The following PDE8A variants were observed in gnomAD, a reference collection of about 807,000 sequenced individuals.
PDE8A encodes the protein high affinity cAMP-specific and IBMX-insensitive 3',5'-cyclic phosphodiesterase 8A.
In PDE8A, 59 loss-of-function variants were observed where a neutral mutation model predicts 105.0. The observed-to-expected ratio is 0.56, with a 90% CI of 0.46 to 0.70. PDE8A has a LOEUF of 0.70. Ranked by LOEUF, PDE8A falls within the 30% of genes least tolerant of loss-of-function variation. PDE8A has a pLI of 0.00. For missense variants in PDE8A, 1,014 were observed against 1,045.9 expected, an observed-to-expected ratio of 0.97 and a Z score of 0.42; for synonymous variants, 355 against 371.9, an observed-to-expected ratio of 0.95 and a Z score of 0.52.
chr15:85,100,215 T>G lies in PDE8A; in HGVS notation c.1036+17T>G. ...CTCATACAGGTACGGTGCCCCGTAT[T>G]TATTCTTAGAGTTCATTGAGTTTTT... On this transcript the variant is annotated intron_variant, in intron 11 of 21. Transcript: ENST00000394553. The G allele has an allele frequency of 6.2e-7, 1 of 1,601,764 alleles. No homozygotes were observed. Among genetic ancestry groups the G allele is most frequent in the Non-Finnish European group, 8.5e-7 (1 of 1,170,552 alleles).
intron 11 of PDE8A, among the ~76,000 whole-genome samples, chr15:85,108,401 A>G (rs936687773): frequency 2.0e-5 from 3 of 152,188 alleles, no homozygotes; most frequent in Admixed American, 6.5e-5. Context: ...ATGGGGATGC[A>G]TGGTACCCAG....
At chr15:84,996,823 CAAAAAAAAAA>C (rs34363361) in intron 1 of PDE8A, among the ~76,000 whole-genome samples, 21 of 53,830 alleles carry the variant, frequency 3.9e-4, no homozygotes, top group African/African-American at 9.1e-4. Flanking sequence ...AAGACTCTCT[CAAAAAAAAAA>C]AAAAAAAAAA....
intron 1 of PDE8A, among the ~76,000 whole-genome samples, chr15:85,043,618 C>T (rs761224107): frequency 1.6e-4 from 25 of 152,086 alleles, no homozygotes; most frequent in Non-Finnish European, 3.1e-4. Flanking sequence ...TACGTTAATA[C>T]GATATTTAAG....
At chr15:85,067,583 A>G (rs533012547) in intron 3 of PDE8A, among the ~76,000 whole-genome samples, 1 of 152,216 alleles carries the variant, frequency 6.6e-6, no homozygotes, top group Non-Finnish European at 1.5e-5. Flanking sequence ...TATTTATTAT[A>G]CTTGCACCTT....
intron 11 of PDE8A, among the ~76,000 whole-genome samples, chr15:85,100,680 C>T (rs1429819735): frequency 6.6e-6 from 1 of 152,188 alleles, no homozygotes; most frequent in East Asian, 1.9e-4. Flanking sequence ...AATGCATTTC[C>T]CTGGTTTGGA....
chr15:84,997,384 T>C (rs1249112450), intron 1 of PDE8A, among the ~76,000 whole-genome samples: 3 of 151,286 alleles, frequency 2.0e-5, no homozygotes, highest in African/African-American at 7.3e-5. Context: ...TTTGTAGAGA[T>C]GGGGTCTTGC....
At chr15:85,125,855 A>C (rs2082250565) in intron 19 of PDE8A, among the ~76,000 whole-genome samples, 1 of 152,118 alleles carries the variant, frequency 6.6e-6, no homozygotes, top group South Asian at 2.1e-4. Context: ...CCAGTCTTTG[A>C]GTTCTTACCA....
At chr15:85,125,721 A>G (rs1046839883) in intron 19 of PDE8A, among the ~76,000 whole-genome samples, 1 of 152,194 alleles carries the variant, frequency 6.6e-6, no homozygotes, top group Non-Finnish European at 1.5e-5. Context: ...AATCTGCCCT[A>G]TCACAGGACT....
In PDE8A at chr15:85,126,387, C is replaced by G. The variant is rs370051380; in HGVS notation, c.2253+13C>G. ...ATATTTTTCTCAGGTAAGTTGCTGC[C>G]TCTTTTAAGTTTCTAGAGAGAGAGA... On this transcript the variant is annotated intron_variant, in intron 20 of 21. Transcript: ENST00000394553. 5.2e-6 allele frequency: 8 copies of G among 1,533,410 alleles called. No individual in the cohort carries two copies. Among genetic ancestry groups the G allele is most frequent in the Non-Finnish European group, 7.1e-6 (8 of 1,132,722 alleles). 95.0% of individuals were successfully genotyped at this position (1,533,410 alleles called of 1,614,324 possible). A position where few individuals can be genotyped will look rare whatever the true frequency, so the allele number is the denominator to read the frequency against.
chr15:85,044,699 C>T (rs1596468993), intron 1 of PDE8A, among the ~76,000 whole-genome samples: 1 of 152,198 alleles, frequency 6.6e-6, no homozygotes, highest in African/African-American at 2.4e-5. Flanking sequence ...GGCCCCAGGC[C>T]AAGCCACCAT....
chr15:85,091,223 G>C (rs778807728), intron 8 of PDE8A, 42 bp downstream of exon 8: 3 of 1,538,278 alleles, frequency 2.0e-6, no homozygotes, highest in South Asian at 2.5e-5. Context: ...TCACAACACA[G>C]AGAGAAGGAA....
At chr15:85,114,113 C>A in intron 14 of PDE8A, 76 bp downstream of exon 14, 1 of 1,298,894 alleles carries the variant, frequency 7.7e-7, no homozygotes, top group Non-Finnish European at 1.1e-6. Context: ...TTCACTTAAA[C>A]AGATATTGAA....
At chr15:85,121,767 TC>T (rs1249010983) in intron 18 of PDE8A, among the ~76,000 whole-genome samples, 1 of 152,182 alleles carries the variant, frequency 6.6e-6, no homozygotes, top group Non-Finnish European at 1.5e-5. Flanking sequence ...TATGAGCAGT[TC>T]CTTTCCATTC....
chr15:85,054,939 G>A (rs1260252276), intron 1 of PDE8A, among the ~76,000 whole-genome samples: 1 of 151,998 alleles, frequency 6.6e-6, no homozygotes, highest in Non-Finnish European at 1.5e-5. Flanking sequence ...GCTTTCTCTT[G>A]TGGGCATTTA....
At chr15:85,032,843 T>C (rs28669942) in intron 1 of PDE8A, among the ~76,000 whole-genome samples, 8,350 of 152,276 alleles carry the variant, frequency 0.055, 270 homozygotes, top group African/African-American at 0.092. Context: ...GGTAATCACT[T>C]TTTACTTTTT....
Position 85,051,088 on chromosome 15 carries a change from T to C in PDE8A, c.187-13282T>C, listed in dbSNP as rs2080965432. On this transcript the variant is annotated intron_variant, in intron 1 of 21. Transcript: ENST00000394553. ...ATGCTATTGTAATTGGAATTGTTTT[T>C]TGTAATTTCCTTTTCAGATTGGTCA... Among the ~76,000 whole-genome samples the C allele has an allele frequency of 2.6e-5, 4 of 152,230 alleles. No homozygotes were observed. In the South Asian group the frequency reaches 8.3e-4, roughly 32 times the overall value.
intron 12 of PDE8A, among the ~76,000 whole-genome samples, chr15:85,111,400 G>T (rs1212121340): frequency 6.6e-6 from 1 of 152,222 alleles, no homozygotes; most frequent in East Asian, 1.9e-4. Context: ...TATCTGGTGA[G>T]GGTAGAGATC....
chr15:85,116,258 A>T, intron 16 of PDE8A, 139 bp downstream of exon 16: 1 of 767,210 alleles, frequency 1.3e-6, no homozygotes, highest in Non-Finnish European at 2.0e-6. Flanking sequence ...ACAGGGCACC[A>T]GGTGGCTCTG....
chr15:84,989,537 A>T (rs1481324761), intron 1 of PDE8A, among the ~76,000 whole-genome samples: 4 of 152,192 alleles, frequency 2.6e-5, no homozygotes, highest in Non-Finnish European at 5.9e-5. Context: ...GTGTTAAAAG[A>T]CTATAGGAGG....
Sources: gnomAD v4.1 joint callset for allele counts (sites outside exome capture counted in the v4.1 genomes callset) on GRCh38, gnomAD v4.1.1 for gene constraint, MANE v1.5 for transcripts, NCBI Gene and HGNC (gene_info 2026-07-23, HGNC 2026-07-21) for gene names.